KMT2E: variants seen among roughly 807,000 people sequenced by gnomAD.
KMT2E encodes histone reader KMT2E.
A neutral mutation model predicts 184.6 loss-of-function variants in KMT2E; 30 were observed. The observed-to-expected ratio is 0.16, with a 90% CI of 0.12 to 0.22. The LOEUF is 0.22. KMT2E is among the 10% of genes least tolerant of loss of function. The probability of loss-of-function intolerance (pLI) is 1.00; values close to 1 mark genes in which losing one functional copy is unlikely to be tolerated. For synonymous variants in KMT2E, 815 were observed against 776.5 expected, an observed-to-expected ratio of 1.05 and a Z score of -0.82; for missense variants, 2,023 against 2,237.4, an observed-to-expected ratio of 0.90 and a Z score of 1.93.
At chr7:105,049,295 T>C (rs960437) in intron 3 of KMT2E, among the ~76,000 whole-genome samples, 42,840 of 151,656 alleles carry the variant, frequency 0.28, 8,995 homozygotes, top group East Asian at 0.64. Flanking sequence ...AAAAATACCA[T>C]AGTTAGCCAA....
rs1190168664 is a variant in KMT2E, at chr7:105,020,681, A to G, written c.-189+6146A>G. Among the ~76,000 whole-genome samples, 3 of 152,228 alleles carry G rather than the reference A, an allele frequency of 2.0e-5. 1 individual carries two copies. In the East Asian group the frequency reaches 5.8e-4, roughly 29 times the overall value. Reference sequence around the variant, plus strand: ...TTCATTTATGTTGACTTTTGTTTTCATAGGGTATTTAAAATAATTTCCATT... The same window carrying G: ...TTCATTTATGTTGACTTTTGTTTTCGTAGGGTATTTAAAATAATTTCCATT... On this transcript the variant is annotated intron_variant, in intron 1 of 26. Transcript: ENST00000311117.
chr7:105,097,268 T>G lies in KMT2E; in HGVS notation c.1723-4157T>G, dbSNP rs187038268. Among the ~76,000 whole-genome samples the G allele has an allele frequency of 9.9e-5, 15 of 152,060 alleles. No individual in the cohort carries two copies. In the East Asian group the frequency reaches 2.9e-3, roughly 29 times the overall value. On this transcript the variant is annotated intron_variant, in intron 15 of 26. Coordinates refer to ENST00000311117, the MANE Select transcript of KMT2E (RefSeq NM_182931.3). ...ATCCAACTCCCTGTTCTGTCCTCCG[T>G]TGATGCTGATTTTTTTTGTAAGGTC...
intron 15 of KMT2E, among the ~76,000 whole-genome samples, chr7:105,101,221 A>G (rs1256968971): frequency 6.6e-6 from 1 of 152,196 alleles, no homozygotes; most frequent in Non-Finnish European, 1.5e-5. Context: ...AATATTTGCA[A>G]TAACAGGGCT....
intron 6 of KMT2E, among the ~76,000 whole-genome samples, chr7:105,067,443 T>A (rs1289361088): frequency 6.6e-6 from 1 of 152,158 alleles, no homozygotes; most frequent in Non-Finnish European, 1.5e-5. Context: ...TATGGACATT[T>A]CAAACTTACG....
At chr7:105,073,576 C>T (rs1562908113) in intron 6 of KMT2E, 43 bp from the exon 7 acceptor site, 1 of 1,209,826 alleles carries the variant, frequency 8.3e-7, no homozygotes, top group East Asian at 2.3e-5. Flanking sequence ...GACAGATCTG[C>T]TTCATGTATT....
At chr7:105,073,591 A>T in intron 6 of KMT2E, 28 bp from the exon 7 acceptor site, 1 of 1,436,070 alleles carries the variant, frequency 7.0e-7, no homozygotes, top group Non-Finnish European at 9.8e-7. Flanking sequence ...TGTATTTGAT[A>T]AATAATTATG....
At chr7:105,072,407 C>G (rs557200438) in intron 6 of KMT2E, among the ~76,000 whole-genome samples, 12 of 152,210 alleles carry the variant, frequency 7.9e-5, no homozygotes, top group African/African-American at 2.9e-4. Flanking sequence ...TCTGTGATAG[C>G]TAGGATAATT....
At chr7:105,023,402 CAAA>C (rs1158885663) in intron 1 of KMT2E, among the ~76,000 whole-genome samples, 236 of 55,904 alleles carry the variant, frequency 4.2e-3, no homozygotes, top group African/African-American at 0.015. Flanking sequence ...GACTCTGTCT[CAAA>C]AAAAAAAAAA....
At chr7:105,021,949 T>C (rs748209871) in intron 1 of KMT2E, among the ~76,000 whole-genome samples, 1 of 152,198 alleles carries the variant, frequency 6.6e-6, no homozygotes, top group African/African-American at 2.4e-5. Context: ...ATAACTCTCT[T>C]ATACTGTGTA....
intron 3 of KMT2E, 149 bp from the exon 4 acceptor site, chr7:105,062,015 A>G (rs1796832146): frequency 9.1e-6 from 5 of 552,276 alleles, no homozygotes; most frequent in Admixed American, 3.1e-5. Flanking sequence ...GATGGGATAT[A>G]TCTTATCTAT....
At chr7:105,071,608 A>ATATATATATATATTT (rs1304883029) in intron 6 of KMT2E, among the ~76,000 whole-genome samples, 1 of 31,880 alleles carries the variant, frequency 3.1e-5, no homozygotes, top group Non-Finnish European at 5.3e-5. Context: ...ATATATATAT[A>ATATATATATATATTT]TTTTTTTTTT....
At chr7:105,054,317 A>C (rs932844148) in intron 3 of KMT2E, among the ~76,000 whole-genome samples, 3 of 151,942 alleles carry the variant, frequency 2.0e-5, no homozygotes, top group African/African-American at 4.8e-5. Context: ...ATGATGGTTG[A>C]TGTACCCTGT....
intron 12 of KMT2E, among the ~76,000 whole-genome samples, chr7:105,079,510 CCT>C (rs1797668834): frequency 8.8e-6 from 1 of 113,936 alleles, no homozygotes; most frequent in Non-Finnish European, 1.8e-5. Flanking sequence ...TATTGGACTT[CCT>C]TTTTTTTTTT....
At chr7:105,015,405 A>G (rs1009152609) in intron 1 of KMT2E, among the ~76,000 whole-genome samples, 2 of 152,162 alleles carry the variant, frequency 1.3e-5, no homozygotes, top group African/African-American at 4.8e-5. Context: ...TGTCTTAAGA[A>G]CGATACAATT....
intron 2 of KMT2E, 57 bp from the exon 3 acceptor site, chr7:105,040,782 T>C: frequency 2.5e-6 from 1 of 401,314 alleles, no homozygotes; most frequent in Non-Finnish European, 4.5e-6. Flanking sequence ...CTTCATGTTA[T>C]TTTACTTACT....
chr7:105,075,405 A>C (rs562678238), intron 8 of KMT2E, among the ~76,000 whole-genome samples: 1 of 152,168 alleles, frequency 6.6e-6, no homozygotes, highest in Non-Finnish European at 1.5e-5. Flanking sequence ...TTTATTGAGT[A>C]AATACAGCTC....
chr7:105,099,670 C>T (rs970023874), intron 15 of KMT2E, among the ~76,000 whole-genome samples: 2 of 152,106 alleles, frequency 1.3e-5, no homozygotes, highest in East Asian at 1.9e-4. Flanking sequence ...AAATATCTTC[C>T]TTGGGTGCCC....
At chr7:105,056,970 GAAA>G (rs1185441038) in intron 3 of KMT2E, among the ~76,000 whole-genome samples, 4 of 152,104 alleles carry the variant, frequency 2.6e-5, no homozygotes, top group Non-Finnish European at 5.9e-5. Context: ...GAGTTTGGAA[GAAA>G]AAATAATAGA....
chr7:105,033,016 G>A (rs1035783332), intron 1 of KMT2E, among the ~76,000 whole-genome samples: 3 of 152,146 alleles, frequency 2.0e-5, no homozygotes, highest in African/African-American at 7.2e-5. Context: ...GTGTACAGGT[G>A]TGGACATTCC....
Sources: allele counts gnomAD v4.1 joint callset (sites outside exome capture counted in the v4.1 genomes callset), GRCh38; gene constraint gnomAD v4.1.1; transcripts MANE v1.5; gene names NCBI Gene and HGNC (gene_info 2026-07-23, HGNC 2026-07-21).